The following PSMD5 variants were observed in gnomAD, a reference collection of about 807,000 sequenced individuals.
The protein encoded by PSMD5 is 26S proteasome non-ATPase regulatory subunit 5.
A neutral mutation model predicts 52.1 loss-of-function variants in PSMD5; 40 were observed. That is an observed-to-expected ratio of 0.77 (90% CI 0.60 to 1.00). The LOEUF is 1.00. Ranked by LOEUF, PSMD5 falls within the 50% of genes least tolerant of loss-of-function variation. PSMD5 has a pLI of 0.00. For missense variants in PSMD5, 575 were observed against 605.2 expected (o/e 0.95, Z 0.52); for synonymous variants, 211 against 226.6 (o/e 0.93, Z 0.62).
intron 1 of PSMD5, among the ~76,000 whole-genome samples, chr9:120,839,784 A>T (rs531831071): frequency 1.5e-4 from 23 of 150,464 alleles, no homozygotes; most frequent in African/African-American, 4.1e-4. Flanking sequence ...AGAATTATAA[A>T]ATGTTTTTTT....
chr9:120,837,796 T>C (rs2045208378), intron 1 of PSMD5, among the ~76,000 whole-genome samples: 1 of 152,250 alleles, frequency 6.6e-6, no homozygotes, highest in Non-Finnish European at 1.5e-5. Flanking sequence ...TAAAGACTTG[T>C]ACATGAATGC....
At chr9:120,824,747 T>C in intron 6 of PSMD5, 62 bp from the exon 7 acceptor site, 1 of 1,387,332 alleles carries the variant, frequency 7.2e-7, no homozygotes, top group Non-Finnish European at 9.8e-7. Flanking sequence ...TTGCGGGCTC[T>C]ATGACTTCAC....
At chr9:120,831,307 G>C (rs573048747) in intron 4 of PSMD5, 24 bp downstream of exon 4, 27 of 1,562,598 alleles carry the variant, frequency 1.7e-5, no homozygotes, top group South Asian at 2.4e-5. Flanking sequence ...TTGTAAGCAT[G>C]AGAAAGTGTG....
At chr9:120,840,752 T>G (rs1425567023) in intron 1 of PSMD5, among the ~76,000 whole-genome samples, 1 of 151,946 alleles carries the variant, frequency 6.6e-6, no homozygotes, top group East Asian at 1.9e-4. Flanking sequence ...CCAGAGTAGC[T>G]GGGACTACAG....
At chr9:120,826,611 CTCT>C in intron 6 of PSMD5, 151 bp downstream of exon 6, 1 of 937,546 alleles carries the variant, frequency 1.1e-6, no homozygotes, top group Non-Finnish European at 1.5e-6. Context: ...AACTTGGTTG[CTCT>C]AGATATCTTC....
intron 2 of PSMD5, among the ~76,000 whole-genome samples, chr9:120,833,006 T>C (rs2045171976): frequency 6.6e-6 from 1 of 152,258 alleles, no homozygotes; most frequent in Non-Finnish European, 1.5e-5. Context: ...TTTATCTTGG[T>C]AACTCTAACA....
chr9:120,833,658 T>C (rs1217473064), intron 1 of PSMD5, among the ~76,000 whole-genome samples: 2 of 150,854 alleles, frequency 1.3e-5, no homozygotes, highest in Non-Finnish European at 3.0e-5. Flanking sequence ...GAATAAGATA[T>C]GCACTCTAGT....
intron 1 of PSMD5, among the ~76,000 whole-genome samples, chr9:120,834,034 C>G (rs1363820618): frequency 7.5e-6 from 1 of 132,972 alleles, no homozygotes; most frequent in East Asian, 2.4e-4. Context: ...GGCTGGAGTA[C>G]AGTGGCACGA....
In PSMD5 at chr9:120,816,775, T is replaced by A. The variant is rs1292842663; in HGVS notation, c.*1131A>T. The A allele has an allele frequency of 6.6e-6, 1 of 152,216 alleles. No individual in the cohort carries two copies. The highest frequency in any genetic ancestry group is 1.5e-5 in the Non-Finnish European group (1 of 68,050). 9.4% of individuals were successfully genotyped at this position (152,216 alleles called of 1,614,324 possible). ...TAGGTGTTGTCAATGAAAAGAAAGATTATCCTTTGTAAATTAATGAGATGG... is the reference window on the plus strand; with the variant it reads ...TAGGTGTTGTCAATGAAAAGAAAGAATATCCTTTGTAAATTAATGAGATGG... On this transcript the variant is annotated 3_prime_UTR_variant, in exon 10 of 10. Coordinates refer to ENST00000210313, the MANE Select transcript of PSMD5 (RefSeq NM_005047.4).
chr9:120,818,224 G>A lies in PSMD5; in HGVS notation c.1258-61C>T. On this transcript the variant is annotated intron_variant, in intron 9 of 9. Transcript: ENST00000210313. ...AGTGGAAGTTGTTTGTTAATGGGAT[G>A]GCACAATATTTACAAAGAAATCTGG... 6 of 1,481,642 alleles carry A rather than the reference G, an allele frequency of 4.0e-6. No homozygotes were observed. In the South Asian group the frequency reaches 5.5e-5, roughly 14 times the overall value. The allele number at this position is 1,481,642 out of a possible 1,614,324, so 91.8% of individuals were successfully genotyped here.
chr9:120,842,830 G>A lies in PSMD5; in HGVS notation c.80C>T (p.Ser27Phe), dbSNP rs1174342059. The change falls in exon 1 of 10, where the codon TCC becomes TTC. Residue 27 changes from serine (S) to phenylalanine (F), a missense_variant. Coordinates refer to ENST00000210313, the MANE Select transcript of PSMD5 (RefSeq NM_005047.4). ...APLEELRALH[S>F]VLQAVPLNEL... ...GTTGAGCGGCACTGCCTGCAGCACG[G>A]AGTGAAGCGCGCGTAGCTCCTCCAG... is the stretch of plus-strand genomic sequence containing the variant. 6.2e-7 allele frequency: 1 copy of A among 1,610,826 alleles called. No homozygotes were observed. Among genetic ancestry groups the A allele is most frequent in the Admixed American group, 1.7e-5 (1 of 59,892 alleles).
In PSMD5 at chr9:120,816,621, G is replaced by T. The variant is rs1043915174; in HGVS notation, c.*1285C>A. Reference sequence around the variant, plus strand: ...AAAATAATTTTGTTACAAAGCAGGGGTGGTTTATCAACTTCACCACGGCCT... The same window carrying T: ...AAAATAATTTTGTTACAAAGCAGGGTTGGTTTATCAACTTCACCACGGCCT... On this transcript the variant is annotated 3_prime_UTR_variant, in exon 10 of 10. Coordinates refer to ENST00000210313, the MANE Select transcript of PSMD5 (RefSeq NM_005047.4). The T allele has an allele frequency of 2.6e-5, 4 of 152,172 alleles. No homozygotes were observed. The highest frequency in any genetic ancestry group is 9.7e-5 in the African/African-American group (4 of 41,434). The allele number at this position is 152,172 out of a possible 1,614,324, so 9.4% of individuals were successfully genotyped here. A position where few individuals can be genotyped will look rare whatever the true frequency, so the allele number is the denominator to read the frequency against.
At chr9:120,831,544 G>C in intron 3 of PSMD5, 85 bp from the exon 4 acceptor site, 6 of 1,407,200 alleles carry the variant, frequency 4.3e-6, no homozygotes, top group Non-Finnish European at 5.7e-6. Flanking sequence ...ATAGTGCATG[G>C]AATGCACCTT....
In PSMD5 at chr9:120,833,301, G is replaced by A. The variant is rs973626236; in HGVS notation, c.318+11C>T. The A allele has an allele frequency of 6.2e-7, 1 of 1,613,074 alleles. No homozygotes were observed. Among genetic ancestry groups the A allele is most frequent in the Non-Finnish European group, 8.5e-7 (1 of 1,179,334 alleles). On this transcript the variant is annotated intron_variant, in intron 2 of 9. Transcript: ENST00000210313. ...AGGTGGTCAATGTCGGTTCCTAGTA[G>A]AATTTCATACCTGGGAAAGAGTGAG...
At chr9:120,818,890 A>G (rs925775922) in intron 9 of PSMD5, among the ~76,000 whole-genome samples, 6 of 152,216 alleles carry the variant, frequency 3.9e-5, no homozygotes, top group Admixed American at 3.3e-4. Context: ...CACAATATGT[A>G]GTAGAAATAT....
At position 120,837,093 on chromosome 9, in the gene PSMD5, G is replaced by A. The variant is rs557994720; in HGVS notation, c.174-3637C>T. Among the ~76,000 whole-genome samples the A allele has an allele frequency of 1.2e-4, 18 of 152,254 alleles. 1 individual carries two copies. Among genetic ancestry groups the A allele is most frequent in the Admixed American group, 3.9e-4 (6 of 15,292 alleles). The stretch of plus-strand genomic sequence containing the variant: ...TTTAGTAGAGATGGGGTTTCACTGT[G>A]TTAGCCAGGATGGTCTCTATCTCCT... On this transcript the variant is annotated intron_variant, in intron 1 of 9. Transcript: ENST00000210313.
At chr9:120,824,269 C>T (rs1199151801) in intron 7 of PSMD5, 2 of 560,616 alleles carry the variant, frequency 3.6e-6, no homozygotes, top group Non-Finnish European at 6.3e-6. Flanking sequence ...TTGGTAGAAA[C>T]CTAAACCAAT....
intron 4 of PSMD5, 46 bp from the exon 5 acceptor site, chr9:120,829,254 G>GC (rs2045144325): frequency 4.0e-6 from 6 of 1,498,262 alleles, no homozygotes; most frequent in Middle Eastern, 1.8e-4. Flanking sequence ...GGTCAAATCA[G>GC]CCCTACGCCT....
intron 5 of PSMD5, among the ~76,000 whole-genome samples, chr9:120,827,138 T>A (rs1005366265): frequency 6.6e-6 from 1 of 152,232 alleles, no homozygotes; most frequent in African/African-American, 2.4e-5. Flanking sequence ...ACCTTCTGAT[T>A]TGAAGTCCAC....
Sources: gnomAD v4.1 joint callset for allele counts (sites outside exome capture counted in the v4.1 genomes callset) on GRCh38, gnomAD v4.1.1 for gene constraint, MANE v1.5 for transcripts, NCBI Gene and HGNC (gene_info 2026-07-23, HGNC 2026-07-21) for gene names.